Variants in PHLPP1 observed in about 807,000 individuals in gnomAD.
The protein encoded by PHLPP1 is PH domain and leucine rich repeat protein phosphatase 1, also known as PH domain leucine-rich repeat-containing protein phosphatase 1.
A neutral mutation model predicts 117.2 loss-of-function variants in PHLPP1; 42 were observed. The observed-to-expected ratio is 0.36, with a 90% CI of 0.28 to 0.46. The LOEUF (loss-of-function observed/expected upper bound fraction) is 0.46. Ranked by LOEUF, PHLPP1 falls within the 20% of genes least tolerant of loss-of-function variation. The probability of loss-of-function intolerance (pLI) is 1.00; values close to 1 mark genes in which losing one functional copy is unlikely to be tolerated. For missense variants in PHLPP1, 2,084 were observed against 2,241.9 expected (o/e 0.93, Z 1.42); for synonymous variants, 1,042 against 970.7 (o/e 1.07, Z -1.37).
intron 6 of PHLPP1, 67 bp from the exon 7 acceptor site, chr18:62,902,897 A>G (rs1412307584): frequency 1.1e-6 from 1 of 931,560 alleles, no homozygotes; most frequent in Middle Eastern, 2.1e-4. Context: ...TATTTCTCAT[A>G]TTAGGGTGTG....
At position 62,839,120 on chromosome 18, in the gene PHLPP1, T is replaced by G. The variant is rs151311574; in HGVS notation, c.1899+211T>G. The stretch of plus-strand genomic sequence containing the variant: ...AATTGTTTTTTACTTGCCCAGTTTA[T>G]ACTTAAAAATAAATTGGTCTGTAAA... On this transcript the variant is annotated intron_variant, in intron 3 of 16. Transcript: ENST00000262719. The G allele has an allele frequency of 3.3e-3, 1,690 of 513,950 alleles. 10 individuals carry two copies. The highest frequency in any genetic ancestry group is 6.7e-3 in the Middle Eastern group (14 of 2,098). 31.8% of individuals were successfully genotyped at this position (513,950 alleles called of 1,614,324 possible).
chr18:62,941,703 GT>G lies in PHLPP1; in HGVS notation c.2961-11del. 1 of 1,601,070 alleles carries G rather than the reference GT, an allele frequency of 6.2e-7. No individual in the cohort carries two copies. The highest frequency in any genetic ancestry group is 8.5e-7 in the Non-Finnish European group (1 of 1,170,662). On this transcript the variant is annotated splice_polypyrimidine_tract_variant and intron_variant, in intron 10 of 16. Coordinates refer to ENST00000262719, the MANE Select transcript of PHLPP1 (RefSeq NM_194449.4). The stretch of plus-strand genomic sequence containing the variant: ...TGACTTTTCAATGGCATTTTGTTGC[GT>G]TTTGTCATTGTAGCCTGAGATTCCT...
intron 1 of PHLPP1, among the ~76,000 whole-genome samples, chr18:62,750,257 T>TA (rs1400232864): frequency 6.6e-6 from 1 of 152,166 alleles, no homozygotes; most frequent in Non-Finnish European, 1.5e-5. Flanking sequence ...AGGGTGTTGT[T>TA]ATTACGTGCA....
At position 62,945,276 on chromosome 18, in the gene PHLPP1, G is replaced by A. The variant is rs546445777; in HGVS notation, c.3324+5G>A. On this transcript the variant is annotated splice_donor_5th_base_variant and intron_variant, in intron 12 of 16. Coordinates refer to ENST00000262719, the MANE Select transcript of PHLPP1 (RefSeq NM_194449.4). Reference sequence around the variant, plus strand: ...ATGCAGCTCCCAGAGATCAAGGTATGTGGTTTCATTTCATAAACTCTAAGC... The same window carrying A: ...ATGCAGCTCCCAGAGATCAAGGTATATGGTTTCATTTCATAAACTCTAAGC... The A allele has an allele frequency of 2.4e-5, 38 of 1,590,056 alleles. No individual in the cohort carries two copies. The East Asian group carries it at 7.3e-4, about 30-fold the overall frequency.
At chr18:62,816,744 C>G (rs1186317854) in intron 1 of PHLPP1, among the ~76,000 whole-genome samples, 4 of 151,896 alleles carry the variant, frequency 2.6e-5, no homozygotes, top group African/African-American at 9.7e-5. Flanking sequence ...TATTTTTTGT[C>G]TACTTGTACT....
intron 1 of PHLPP1, among the ~76,000 whole-genome samples, chr18:62,793,278 G>C (rs777208852): frequency 1.8e-4 from 27 of 152,228 alleles, no homozygotes; most frequent in Admixed American, 2.0e-4. Flanking sequence ...TATTTGCATA[G>C]AAAATCCATT....
In PHLPP1 at chr18:62,830,152, G is replaced by A; in HGVS notation, c.1694G>A (p.Cys565Tyr). 6.2e-7 allele frequency: 1 copy of A among 1,604,370 alleles called. No individual in the cohort carries two copies. The highest frequency in any genetic ancestry group is 8.5e-7 in the Non-Finnish European group (1 of 1,175,194). The change falls in exon 2 of 17, where the codon TGT becomes TAT. Residue 565 changes from cysteine to tyrosine, a missense_variant. By Grantham distance (194) the Cys-to-Tyr change is radical. This residue lies in a region of PHLPP1 where 1,365 missense variants were observed against 1,605.9 expected (regional missense o/e 0.85). Coordinates refer to ENST00000262719, the MANE Select transcript of PHLPP1 (RefSeq NM_194449.4). Reference protein sequence around the residue: ...NRWTRRQVILCGTCLIVSSVK... With the variant: ...NRWTRRQVILYGTCLIVSSVK... ...TGGACAAGACGCCAAGTCATCCTAT[G>A]TGGGACCTGCCTGATAGTATCATCT...
At position 62,961,350 on chromosome 18, in the gene PHLPP1, T is replaced by C. The variant is rs553334790; in HGVS notation, c.3456-2018T>C. 2.0e-5 allele frequency among the ~76,000 whole-genome samples: 3 copies of C among 152,294 alleles called. No individual in the cohort carries two copies. The East Asian group carries it at 5.8e-4, about 29-fold the overall frequency. ...CAGCATTCATTTCACTTCAGATAGC[T>C]GCTCAGCCACACTGTGTTCAGCTAG... On this transcript the variant is annotated intron_variant, in intron 13 of 16. Coordinates refer to ENST00000262719, the MANE Select transcript of PHLPP1 (RefSeq NM_194449.4).
intron 1 of PHLPP1, among the ~76,000 whole-genome samples, chr18:62,829,597 C>T (rs1260097931): frequency 6.6e-6 from 1 of 152,006 alleles, no homozygotes; most frequent in Non-Finnish European, 1.5e-5. Context: ...ACTAAAAATA[C>T]AAAAAATTTA....
intron 8 of PHLPP1, among the ~76,000 whole-genome samples, chr18:62,912,918 G>T (rs1916998801): frequency 6.6e-6 from 1 of 152,194 alleles, no homozygotes; most frequent in Admixed American, 6.5e-5. Context: ...ACCATGCCCG[G>T]CCCAGATGTA....
intron 14 of PHLPP1, among the ~76,000 whole-genome samples, chr18:62,967,707 G>A (rs117287431): frequency 1.3e-5 from 2 of 151,112 alleles, no homozygotes; most frequent in East Asian, 1.9e-4. Flanking sequence ...TGAGATGACT[G>A]TATGGTTTTT....
rs755063798 is a variant in PHLPP1, at chr18:62,895,047, T to C, written c.2103T>C (p.Asn701=). ...TKLKSLNLSN[N]HLGDFPLAVC... is the part of the protein sequence containing the mutation. ...TGAAGAGTCTTAACCTTTCCAATAATCATTTAGGGGACTTCCCACTGGCAG... is the reference window on the plus strand; with the variant it reads ...TGAAGAGTCTTAACCTTTCCAATAACCATTTAGGGGACTTCCCACTGGCAG... The change falls in exon 5 of 17, where the codon AAT becomes AAC. Residue 701 remains asparagine (N), a synonymous_variant. Coordinates refer to ENST00000262719, the MANE Select transcript of PHLPP1 (RefSeq NM_194449.4). 1.2e-6 allele frequency: 2 copies of C among 1,612,804 alleles called. No homozygotes were observed. Among genetic ancestry groups the C allele is most frequent in the Non-Finnish European group, 1.7e-6 (2 of 1,179,148 alleles).
At chr18:62,873,348 A>C (rs1490721318) in intron 4 of PHLPP1, among the ~76,000 whole-genome samples, 1 of 152,262 alleles carries the variant, frequency 6.6e-6, no homozygotes, top group Non-Finnish European at 1.5e-5. Context: ...CAGTTTAAGA[A>C]AGAAGCCTGT....
chr18:62,811,634 A>G (rs1456650933), intron 1 of PHLPP1, among the ~76,000 whole-genome samples: 1 of 151,452 alleles, frequency 6.6e-6, no homozygotes, highest in African/African-American at 2.4e-5. Flanking sequence ...TGAGAACTCT[A>G]TGGATTTTGT....
At chr18:62,806,645 G>A (rs1381142711) in intron 1 of PHLPP1, among the ~76,000 whole-genome samples, 1 of 152,130 alleles carries the variant, frequency 6.6e-6, no homozygotes, top group Non-Finnish European at 1.5e-5. Flanking sequence ...GGTATATTGT[G>A]TGTACACTCC....
At chr18:62,931,132 G>T (rs1838991347) in intron 10 of PHLPP1, among the ~76,000 whole-genome samples, 1 of 151,660 alleles carries the variant, frequency 6.6e-6, no homozygotes, top group Non-Finnish European at 1.5e-5. Flanking sequence ...GGGAGGCAGA[G>T]GTTGCAGTGA....
At chr18:62,966,631 C>T (rs1048288015) in intron 14 of PHLPP1, among the ~76,000 whole-genome samples, 46 of 151,876 alleles carry the variant, frequency 3.0e-4, no homozygotes, top group Non-Finnish European at 4.4e-4. Flanking sequence ...CCACCACGCC[C>T]GGCTAATTTT....
chr18:62,970,019 CT>C (rs1247016850), intron 14 of PHLPP1, among the ~76,000 whole-genome samples: 1 of 152,038 alleles, frequency 6.6e-6, no homozygotes, highest in Non-Finnish European at 1.5e-5. Flanking sequence ...TTTGTGCCAT[CT>C]GTTCTTTATT....
intron 12 of PHLPP1, among the ~76,000 whole-genome samples, chr18:62,946,802 C>T (rs1315889121): frequency 6.6e-6 from 1 of 152,060 alleles, no homozygotes; most frequent in African/African-American, 2.4e-5. Flanking sequence ...GCCGGTAATC[C>T]CAGCACTTTG....
Sources: allele counts gnomAD v4.1 joint callset (sites outside exome capture counted in the v4.1 genomes callset), GRCh38; gene constraint gnomAD v4.1.1; regional missense constraint gnomAD v4.1.1; transcripts MANE v1.5; gene names NCBI Gene and HGNC (gene_info 2026-07-23, HGNC 2026-07-21).